TAFA1: variants seen among roughly 807,000 people sequenced by gnomAD.
TAFA1 encodes chemokine-like protein TAFA-1.
TAFA1 carries 4 observed loss-of-function variants against 18.5 expected under a neutral mutation model. The ratio of observed to expected loss-of-function variants is 0.22; its 90% CI spans 0.11 to 0.49. TAFA1 has a LOEUF of 0.49. Among genes scored for constraint, TAFA1 ranks in the 20% least tolerant of loss-of-function variants. The probability of loss-of-function intolerance (pLI) is 0.98; values close to 1 mark genes in which losing one functional copy is unlikely to be tolerated. For missense variants in TAFA1, 147 were observed against 169.0 expected (o/e 0.87, Z 0.72); for synonymous variants, 56 against 55.2 (o/e 1.01, Z -0.06).
chr3:68,376,609 G>T (rs1490892991), intron 2 of TAFA1, among the ~76,000 whole-genome samples: 2 of 152,160 alleles, frequency 1.3e-5, no homozygotes, highest in Non-Finnish European at 2.9e-5. Flanking sequence ...CAGCTGCGTA[G>T]TATTCCATGG....
chr3:68,397,546 C>G (rs111513108), intron 2 of TAFA1, among the ~76,000 whole-genome samples: 3,837 of 152,244 alleles, frequency 0.025, 72 homozygotes, highest in East Asian at 0.091. Context: ...GCCACATTTT[C>G]TTTATCCAGT....
At chr3:68,076,511 T>C (rs1422669085) in intron 2 of TAFA1, among the ~76,000 whole-genome samples, 1 of 131,964 alleles carries the variant, frequency 7.6e-6, no homozygotes, top group East Asian at 2.3e-4. Flanking sequence ...CCTGTGTCCA[T>C]GCGATCTCAT....
At chr3:68,183,874 G>A (rs528828312) in intron 2 of TAFA1, among the ~76,000 whole-genome samples, 22 of 152,256 alleles carry the variant, frequency 1.4e-4, no homozygotes, top group Non-Finnish European at 3.1e-4. Context: ...GAAAATGAAT[G>A]CACAGATGTG....
intron 2 of TAFA1, among the ~76,000 whole-genome samples, chr3:68,403,177 T>C (rs1172572765): frequency 6.6e-6 from 1 of 152,216 alleles, no homozygotes; most frequent in Non-Finnish European, 1.5e-5. Context: ...TGTAGTAGGC[T>C]ATACCATCTA....
chr3:68,037,628 A>G (rs1705080089), intron 2 of TAFA1, among the ~76,000 whole-genome samples: 1 of 152,202 alleles, frequency 6.6e-6, no homozygotes, highest in Non-Finnish European at 1.5e-5. Context: ...AGTGGAAAAA[A>G]ATCAGCCTAT....
chr3:68,116,989 C>G (rs1483119327), intron 2 of TAFA1, among the ~76,000 whole-genome samples: 1 of 152,208 alleles, frequency 6.6e-6, no homozygotes, highest in African/African-American at 2.4e-5. Flanking sequence ...AAACCACGTG[C>G]TGATCTCTGA....
intron 2 of TAFA1, among the ~76,000 whole-genome samples, chr3:68,357,015 C>T (rs985208242): frequency 6.6e-6 from 1 of 151,810 alleles, no homozygotes; most frequent in Admixed American, 6.6e-5. Flanking sequence ...GTGAACAAAA[C>T]CTTTAAGGTT....
intron 2 of TAFA1, among the ~76,000 whole-genome samples, chr3:68,330,414 A>G (rs1319688058): frequency 1.3e-5 from 2 of 152,222 alleles, no homozygotes; most frequent in African/African-American, 4.8e-5. Context: ...GATTATTTCA[A>G]TAACAAAGTC....
intron 3 of TAFA1, among the ~76,000 whole-genome samples, chr3:68,525,277 G>C (rs941467113): frequency 1.7e-4 from 26 of 152,082 alleles, no homozygotes; most frequent in Middle Eastern, 3.2e-3. Context: ...ATTCATTCTG[G>C]TTTAGCGGGT....
At chr3:68,003,173 T>A (rs918651883), upstream of TAFA1, among the ~76,000 whole-genome samples, 9 of 152,214 alleles carry the variant, frequency 5.9e-5, no homozygotes, top group African/African-American at 2.2e-4. Flanking sequence ...ATTATGTGTG[T>A]TTTGTGCAAT....
chr3:68,282,102 A>G (rs555917944), intron 2 of TAFA1, among the ~76,000 whole-genome samples: 2 of 152,324 alleles, frequency 1.3e-5, no homozygotes, highest in East Asian at 3.9e-4. Context: ...TTATGAAACC[A>G]TCAGATCTCA....
rs3033685 is a variant in TAFA1, at chr3:68,263,446, TAC to T, written c.119-153800_119-153799del. Reference sequence around the variant, plus strand: ...AACAGATACTTTAACCACACACACATACACACACACACACACACACACACACA... The same window carrying T: ...AACAGATACTTTAACCACACACACATACACACACACACACACACACACACA... On this transcript the variant is annotated intron_variant, in intron 2 of 4. Coordinates refer to ENST00000478136, the MANE Select transcript of TAFA1 (RefSeq NM_213609.4). Among the ~76,000 whole-genome samples, 1,102 of 137,550 alleles carry T rather than the reference TAC, an allele frequency of 8.0e-3. 7 individuals carry two copies. The highest frequency in any genetic ancestry group is 0.036 in the East Asian group (154 of 4,286). The allele number at this position is 137,550 out of a possible 152,430, so 90.2% of individuals were successfully genotyped here.
At chr3:68,486,692 C>A (rs1484586253) in intron 3 of TAFA1, among the ~76,000 whole-genome samples, 5 of 152,106 alleles carry the variant, frequency 3.3e-5, no homozygotes, top group Admixed American at 2.6e-4. Flanking sequence ...TCTGGGTCTG[C>A]GAAAAGAACC....
chr3:68,278,957 A>G (rs1161899714), intron 2 of TAFA1, among the ~76,000 whole-genome samples: 19 of 152,122 alleles, frequency 1.2e-4, no homozygotes, highest in Non-Finnish European at 4.4e-5. Flanking sequence ...TTGTGTTCCA[A>G]TGCAGATTTT....
intron 3 of TAFA1, among the ~76,000 whole-genome samples, chr3:68,480,781 G>A (rs1251498502): frequency 6.6e-6 from 1 of 152,128 alleles, no homozygotes; most frequent in Non-Finnish European, 1.5e-5. Context: ...TGGTTTGGCT[G>A]TGTCCCCACC....
chr3:68,046,487 A>G (rs2064386422), intron 2 of TAFA1, among the ~76,000 whole-genome samples: 1 of 152,190 alleles, frequency 6.6e-6, no homozygotes, highest in Non-Finnish European at 1.5e-5. Flanking sequence ...AACTTTTTAA[A>G]CAAATGTTTG....
chr3:68,114,586 A>G (rs1468146023), intron 2 of TAFA1, among the ~76,000 whole-genome samples: 1 of 152,226 alleles, frequency 6.6e-6, no homozygotes, highest in African/African-American at 2.4e-5. Context: ...AGTGCTAAAA[A>G]CGATATGAGC....
intron 2 of TAFA1, among the ~76,000 whole-genome samples, chr3:68,146,140 T>A (rs570961771): frequency 6.6e-6 from 1 of 152,360 alleles, no homozygotes; most frequent in Admixed American, 6.5e-5. Context: ...AACTGGGGTA[T>A]TAGAGCACTG....
chr3:68,019,873 G>T lies in TAFA1; in HGVS notation c.118+13129G>T, dbSNP rs572241833. Among the ~76,000 whole-genome samples, 6 of 152,260 alleles carry T rather than the reference G, an allele frequency of 3.9e-5. No individual in the cohort carries two copies. In the South Asian group the frequency reaches 1.0e-3, roughly 26 times the overall value. Reference sequence around the variant, plus strand: ...CACAGCCCATTCTTCCTATGATTTTGCTCTAGCAGACATTGCTGATCAATT... The same window carrying T: ...CACAGCCCATTCTTCCTATGATTTTTCTCTAGCAGACATTGCTGATCAATT... On this transcript the variant is annotated intron_variant, in intron 2 of 4. Coordinates refer to ENST00000478136, the MANE Select transcript of TAFA1 (RefSeq NM_213609.4).
Sources: allele counts gnomAD v4.1 joint callset (sites outside exome capture counted in the v4.1 genomes callset), GRCh38; gene constraint gnomAD v4.1.1; transcripts MANE v1.5; gene names NCBI Gene and HGNC (gene_info 2026-07-23, HGNC 2026-07-21).